JMJD1C: variants seen among roughly 807,000 people sequenced by gnomAD.
JMJD1C encodes the protein jumonji domain-containing protein 1C.
In JMJD1C, 31 loss-of-function variants were observed where a neutral mutation model predicts 245.3. The ratio of observed to expected loss-of-function variants is 0.13; its 90% CI spans 0.09 to 0.17. The LOEUF (loss-of-function observed/expected upper bound fraction) is 0.17. Among genes scored for constraint, JMJD1C ranks in the 10% least tolerant of loss-of-function variants. The pLI is 1.00. For missense variants in JMJD1C, 2,691 were observed against 3,000.2 expected (o/e 0.90, Z 2.41); for synonymous variants, 1,057 against 1,017.4 (o/e 1.04, Z -0.74).
chr10:63,206,915 T>C lies in JMJD1C; in HGVS notation c.4754A>G (p.Asn1585Ser), dbSNP rs752446740. ...ATCACTAGATGTAGAGGCTATTAAG[T>C]TGACAGAACATGGCTTAATAATTTC... ...VSEIIKPCSV[N>S]LIASTSSDIQ... Residue 1585 changes from asparagine (N) to serine (S), a missense_variant, in exon 10 of 26, where the codon AAC becomes AGC. This residue lies in a region of JMJD1C where 144 missense variants were observed against 143.3 expected (regional missense o/e 1.00). Transcript: ENST00000399262. 8 of 1,610,906 alleles carry C rather than the reference T, an allele frequency of 5.0e-6. No homozygotes were observed. The African/African-American group carries it at 6.7e-5, about 13-fold the overall frequency.
chr10:63,269,825 TA>T (rs1856061859), intron 2 of JMJD1C, among the ~76,000 whole-genome samples: 1 of 152,214 alleles, frequency 6.6e-6, no homozygotes, highest in Non-Finnish European at 1.5e-5. Flanking sequence ...TCAGATGTGT[TA>T]TATAATATAG....
chr10:63,305,461 T>TCTCTCTC (rs775185052), intron 2 of JMJD1C, among the ~76,000 whole-genome samples: 931 of 28,148 alleles, frequency 0.033, 25 homozygotes, highest in African/African-American at 0.17. Flanking sequence ...GCTCTGACCC[T>TCTCTCTC]CTCTCTCTCT....
At chr10:63,363,996 C>T (rs1360348348) in intron 2 of JMJD1C, among the ~76,000 whole-genome samples, 1 of 151,818 alleles carries the variant, frequency 6.6e-6, no homozygotes, top group Non-Finnish European at 1.5e-5. Flanking sequence ...GCTGGGATTA[C>T]AGTAATGCGC....
At chr10:63,467,986 T>C (rs534156073), upstream of JMJD1C, among the ~76,000 whole-genome samples, 1 of 152,374 alleles carries the variant, frequency 6.6e-6, no homozygotes, top group East Asian at 1.9e-4. Flanking sequence ...GAGTATAGGT[T>C]GCTAGTTGCC....
At chr10:63,202,448 T>C (rs1214242609) in intron 10 of JMJD1C, 2 of 985,328 alleles carry the variant, frequency 2.0e-6, no homozygotes, top group African/African-American at 3.5e-5. Context: ...ATGCCCAATG[T>C]GTGGATCAGA....
At position 63,218,572 on chromosome 10, in the gene JMJD1C, TAACA is replaced by T. The variant is rs1848249078; in HGVS notation, c.554-1245_554-1242del. Among the ~76,000 whole-genome samples, 4 of 152,242 alleles carry T rather than the reference TAACA, an allele frequency of 2.6e-5. No individual in the cohort carries two copies. In the South Asian group the frequency reaches 8.3e-4, roughly 32 times the overall value. ...AATATGATCAGTTTTCAATTCCCATTAACAAACAGTTTACACTGGTTTGTTCCCA... is the reference window on the plus strand; with the variant it reads ...AATATGATCAGTTTTCAATTCCCATTAACAGTTTACACTGGTTTGTTCCCA... On this transcript the variant is annotated intron_variant, in intron 4 of 25. Transcript: ENST00000399262.
intron 1 of JMJD1C, among the ~76,000 whole-genome samples, chr10:63,479,140 A>C (rs1393213405): frequency 6.6e-6 from 1 of 152,160 alleles, no homozygotes; most frequent in Admixed American, 6.5e-5. Context: ...TACACTTTTT[A>C]CGTATTATAT....
chr10:63,239,549 A>G (rs542293409), intron 3 of JMJD1C, among the ~76,000 whole-genome samples: 1 of 152,224 alleles, frequency 6.6e-6, no homozygotes, highest in African/African-American at 2.4e-5. Context: ...GGTTCAAGCA[A>G]TTCTCCTGCC....
At chr10:63,469,419 C>T (rs1953419843), upstream of JMJD1C, among the ~76,000 whole-genome samples, 2 of 152,104 alleles carry the variant, frequency 1.3e-5, no homozygotes, top group South Asian at 4.1e-4. Flanking sequence ...ACAAAGGCTC[C>T]CTGCTATTAA....
intron 1 of JMJD1C, among the ~76,000 whole-genome samples, chr10:63,412,426 G>C (rs1185442179): frequency 6.6e-6 from 1 of 152,160 alleles, no homozygotes; most frequent in Non-Finnish European, 1.5e-5. Flanking sequence ...TGCAAGGACT[G>C]CGAGAGATCA....
At chr10:63,255,414 T>C (rs1853747346) in intron 3 of JMJD1C, among the ~76,000 whole-genome samples, 1 of 152,184 alleles carries the variant, frequency 6.6e-6, no homozygotes, top group African/African-American at 2.4e-5. Context: ...TGAAAACTAG[T>C]GTTATGAGAA....
intron 2 of JMJD1C, among the ~76,000 whole-genome samples, chr10:63,312,725 GTA>G (rs1471751633): frequency 7.2e-5 from 11 of 151,962 alleles, no homozygotes; most frequent in Non-Finnish European, 1.2e-4. Flanking sequence ...TCTCTCCATA[GTA>G]TGTTTTATAA....
At chr10:63,233,091 C>T (rs755303490) in intron 3 of JMJD1C, among the ~76,000 whole-genome samples, 4 of 152,212 alleles carry the variant, frequency 2.6e-5, no homozygotes, top group South Asian at 2.1e-4. Context: ...AGAAAAGTGA[C>T]TCTGACCTGA....
In JMJD1C at chr10:63,219,912, T is replaced by C; in HGVS notation, c.519A>G (p.Val173=). The change falls in exon 4 of 26, where the codon GTA becomes GTG. Residue 173 remains valine, a synonymous_variant. Transcript: ENST00000399262. Reference sequence around the variant, plus strand: ...AAATCTCCTGAACCTTTTGTTCCTTTACCCAGACTTTCACTTCCTCATGAA... The same window carrying C: ...AAATCTCCTGAACCTTTTGTTCCTTCACCCAGACTTTCACTTCCTCATGAA... ...PQLHEEVKVW[V]KEQKVQEIFM... The C allele has an allele frequency of 6.2e-7, 1 of 1,613,874 alleles. No homozygotes were observed. Among genetic ancestry groups the C allele is most frequent in the Non-Finnish European group, 8.5e-7 (1 of 1,179,792 alleles).
Position 63,331,288 on chromosome 10 carries a change from T to C in JMJD1C, c.333+49030A>G, listed in dbSNP as rs112292668. ...CCCTATAAAAATATGTCCAATCCTC[T>C]GTTAAAACTCTTAAACCCACTTCTC... On this transcript the variant is annotated intron_variant, in intron 2 of 25. Coordinates refer to ENST00000399262, the MANE Select transcript of JMJD1C (RefSeq NM_032776.3). Among the ~76,000 whole-genome samples the C allele has an allele frequency of 2.6e-3, 399 of 152,324 alleles. 2 individuals are homozygous for C. The Middle Eastern group carries it at 0.031, about 12-fold the overall frequency.
intron 1 of JMJD1C, among the ~76,000 whole-genome samples, chr10:63,383,898 A>G (rs1242681526): frequency 2.0e-5 from 3 of 152,160 alleles, no homozygotes; most frequent in Non-Finnish European, 2.9e-5. Flanking sequence ...ATTTCTTAAA[A>G]TAAGACAACA....
At chr10:63,384,598 T>C (rs1191059438) in intron 1 of JMJD1C, among the ~76,000 whole-genome samples, 1 of 152,190 alleles carries the variant, frequency 6.6e-6, no homozygotes, top group Non-Finnish European at 1.5e-5. Flanking sequence ...TTAAAATATT[T>C]AGAAAAACCT....
rs776780852 is a variant in JMJD1C, at chr10:63,213,596, A to C, written c.2571T>G (p.Leu857=). The change falls in exon 8 of 26, where the codon CTT becomes CTG. Residue 857 remains leucine, a synonymous_variant. Coordinates refer to ENST00000399262, the MANE Select transcript of JMJD1C (RefSeq NM_032776.3). ...ACTGCCAAATAATTGGATAAAGTCC[A>C]AGCTGATTATATGAAGCAGAAGGAT... The part of the protein sequence containing the change: ...QAHPSASYNQ[L]GLYPIIWQYP... 12 of 1,614,172 alleles carry C rather than the reference A, an allele frequency of 7.4e-6. No homozygotes were observed. The highest frequency in any genetic ancestry group is 1.0e-5 in the Non-Finnish European group (12 of 1,179,984).
At chr10:63,252,845 T>C (rs1448667885) in intron 3 of JMJD1C, among the ~76,000 whole-genome samples, 1 of 152,244 alleles carries the variant, frequency 6.6e-6, no homozygotes, top group African/African-American at 2.4e-5. Flanking sequence ...ATTTATGACC[T>C]GAAAGAGAAT....
Sources: gnomAD v4.1 joint callset for allele counts (sites outside exome capture counted in the v4.1 genomes callset) on GRCh38, gnomAD v4.1.1 for gene constraint, gnomAD v4.1.1 regional missense constraint, MANE v1.5 for transcripts, NCBI Gene and HGNC (gene_info 2026-07-23, HGNC 2026-07-21) for gene names.